Variants in HTATIP2 observed in about 807,000 individuals in gnomAD.
HTATIP2 encodes HIV-1 Tat interactive protein 2.
HTATIP2 carries 26 observed loss-of-function variants against 24.7 expected under a neutral mutation model. That is an observed-to-expected ratio of 1.05 (90% confidence interval 0.77 to 1.46). HTATIP2 has a LOEUF of 1.46. Ranked by LOEUF, HTATIP2 falls within the 40% of genes most tolerant of loss-of-function variation. The pLI, the probability that HTATIP2 is intolerant of heterozygous loss-of-function variation, is 0.00. For missense variants in HTATIP2, 284 were observed against 289.6 expected (o/e 0.98, Z 0.14); for synonymous variants, 99 against 113.2 (o/e 0.87, Z 0.79).
At position 20,364,353 on chromosome 11, in the gene HTATIP2, T is replaced by C. The variant is rs2064671317; in HGVS notation, c.116T>C (p.Leu39Pro). 1 of 1,613,666 alleles carries C rather than the reference T, an allele frequency of 6.2e-7. No individual in the cohort carries two copies. Among genetic ancestry groups the C allele is most frequent in the African/African-American group, 1.3e-5 (1 of 75,062 alleles). Residue 39 changes from leucine (L) to proline (P), a missense_variant, in exon 1 of 5, where the codon CTG becomes CCG. Transcript: ENST00000451739. ...GGCAGAGTGCTCTTAAAGGAAATCC[T>C]GGAGCAGGGCCTGTTTTCCAAAGTC... The part of the protein sequence containing the change: ...ETGRVLLKEI[L>P]EQGLFSKVTL...
intron 3 of HTATIP2, among the ~76,000 whole-genome samples, chr11:20,380,370 C>A (rs573518030): frequency 1.3e-5 from 2 of 152,294 alleles, no homozygotes; most frequent in East Asian, 3.9e-4. Flanking sequence ...CAAAACAAAT[C>A]TTTTAAAAAG....
Position 20,369,992 on chromosome 11 carries a change from C to G in HTATIP2, c.303+2711C>G. 1.3e-5 allele frequency among the ~76,000 whole-genome samples: 2 copies of G among 152,198 alleles called. 1 individual carries two copies. Among genetic ancestry groups the G allele is most frequent in the South Asian group, 4.1e-4 (2 of 4,832 alleles). ...TCTTCCTTTTCATATTCACAGAACA[C>G]AGTTGTTCAGTCAATGCACTGGCTC... On this transcript the variant is annotated intron_variant, in intron 2 of 4. Coordinates refer to ENST00000451739, the MANE Select transcript of HTATIP2 (RefSeq NM_001098522.2).
chr11:20,366,765 T>C (rs886612825), intron 1 of HTATIP2, among the ~76,000 whole-genome samples: 3 of 152,200 alleles, frequency 2.0e-5, no homozygotes, highest in African/African-American at 7.2e-5. Flanking sequence ...ATGAATAATT[T>C]GCCCGTAACT....
intron 3 of HTATIP2, 118 bp downstream of exon 3, chr11:20,376,835 G>T (rs1360591194): frequency 8.7e-6 from 6 of 686,364 alleles, no homozygotes; most frequent in Non-Finnish European, 1.4e-5. Flanking sequence ...TTATGCATTT[G>T]TATGGCTACG....
intron 1 of HTATIP2, among the ~76,000 whole-genome samples, chr11:20,366,275 T>A (rs1207287744): frequency 6.6e-6 from 1 of 151,562 alleles, no homozygotes; most frequent in Non-Finnish European, 1.5e-5. Context: ...CTAATTTTTT[T>A]TTTGCATTTT....
rs375714821 is a variant in HTATIP2 at position 20,363,775 on chromosome 11, AC to A, written c.-456del. On this transcript the variant is annotated 5_prime_UTR_variant, in exon 1 of 5. Coordinates refer to ENST00000451739, the MANE Select transcript of HTATIP2 (RefSeq NM_001098522.2). ...GTAGGCGCTGTCTCCGTCGCCTCCAACCCCCCCGGTCCGACCAGGGAAGGTG... is the reference window on the plus strand; with the variant it reads ...GTAGGCGCTGTCTCCGTCGCCTCCAACCCCCCGGTCCGACCAGGGAAGGTG... The A allele has an allele frequency of 1.2e-5, 15 of 1,238,330 alleles. No individual in the cohort carries two copies. The highest frequency in any genetic ancestry group is 1.6e-5 in the African/African-American group (1 of 64,072). The allele number at this position is 1,238,330 out of a possible 1,614,324, so 76.7% of individuals were successfully genotyped here. A position where few individuals can be genotyped will look rare whatever the true frequency, so the allele number is the denominator to read the frequency against.
chr11:20,370,221 G>A (rs2064756962), intron 2 of HTATIP2, among the ~76,000 whole-genome samples: 1 of 152,166 alleles, frequency 6.6e-6, no homozygotes, highest in Admixed American at 6.5e-5. Flanking sequence ...GATAACCTTT[G>A]CCTTGCTTTA....
intron 2 of HTATIP2, among the ~76,000 whole-genome samples, chr11:20,375,728 T>G (rs1848434155): frequency 6.6e-6 from 1 of 152,238 alleles, no homozygotes; most frequent in African/African-American, 2.4e-5. Flanking sequence ...GAATTTATGG[T>G]GGTCTCAAGA....
chr11:20,380,671 C>CAAAAAAAAA (rs35392320), intron 3 of HTATIP2, among the ~76,000 whole-genome samples: 2 of 81,866 alleles, frequency 2.4e-5, no homozygotes, highest in Admixed American at 1.6e-4. Flanking sequence ...GACTCCATCT[C>CAAAAAAAAA]AAAAAAAAAA....
intron 2 of HTATIP2, chr11:20,376,170 C>A: frequency 5.1e-6 from 1 of 195,936 alleles, no homozygotes; most frequent in Non-Finnish European, 1.0e-5. Context: ...GGGGAGTGTC[C>A]TCACCCATAC....
At position 20,364,074 on chromosome 11, in the gene HTATIP2, CG is replaced by C. The variant is rs142699710; in HGVS notation, c.-160del. 3,805 of 1,367,502 alleles carry C rather than the reference CG, an allele frequency of 2.8e-3. 80 individuals carry two copies. In the African/African-American group the frequency reaches 0.049, roughly 18 times the overall value. The allele number at this position is 1,367,502 out of a possible 1,614,324, so 84.7% of individuals were successfully genotyped here. A position where few individuals can be genotyped will look rare whatever the true frequency, so the allele number is the denominator to read the frequency against. On this transcript the variant is annotated 5_prime_UTR_variant, in exon 1 of 5. The change creates a premature stop within an existing upstream ORF in the 5' untranslated region. Transcript: ENST00000451739. ...TGCTGGCTCAGGTGCGGGCGATGGCCGGGGAGCCGCGCCCCGCACGTGACTC... is the reference window on the plus strand; with the variant it reads ...TGCTGGCTCAGGTGCGGGCGATGGCCGGGAGCCGCGCCCCGCACGTGACTC...
chr11:20,375,333 A>G (rs1005742090), intron 2 of HTATIP2, among the ~76,000 whole-genome samples: 11 of 152,148 alleles, frequency 7.2e-5, no homozygotes, highest in African/African-American at 2.7e-4. Context: ...GCACTTTGGA[A>G]GGCCAAGGTG....
intron 2 of HTATIP2, chr11:20,367,746 C>T: frequency 1.2e-6 from 1 of 828,414 alleles, no homozygotes; most frequent in Non-Finnish European, 1.5e-6. Flanking sequence ...AGGCACGATT[C>T]AACCAGCCTC....
chr11:20,383,051 C>G lies in HTATIP2; in HGVS notation c.575C>G (p.Pro192Arg). Residue 192 changes from proline to arginine, a missense_variant, in exon 5 of 5, where the codon CCA (proline) becomes CGA (arginine). Transcript: ENST00000451739. Reference protein sequence around the residue: ...WLVRKFFGSLPDSWASGHSVP... With the variant: ...WLVRKFFGSLRDSWASGHSVP... ...GTTAGAAAGTTCTTTGGCTCCTTAC[C>G]AGACTCTTGGGCCAGTGGGCATTCT... The G allele has an allele frequency of 6.2e-7, 1 of 1,613,556 alleles. No homozygotes were observed.
intron 2 of HTATIP2, among the ~76,000 whole-genome samples, chr11:20,368,993 T>C (rs1198593874): frequency 6.6e-6 from 1 of 152,176 alleles, no homozygotes; most frequent in Non-Finnish European, 1.5e-5. Flanking sequence ...AATTAGGACT[T>C]AAATGATTTA....
chr11:20,382,936 C>G, intron 4 of HTATIP2, 44 bp from the exon 5 acceptor site: 1 of 1,472,838 alleles, frequency 6.8e-7, no homozygotes, highest in East Asian at 2.4e-5. Flanking sequence ...AATTTACCAC[C>G]TCTTCCTCTG....
At chr11:20,366,579 G>A (rs2064709706) in intron 1 of HTATIP2, among the ~76,000 whole-genome samples, 1 of 152,116 alleles carries the variant, frequency 6.6e-6, no homozygotes, top group Non-Finnish European at 1.5e-5. Context: ...GAGAATTAAG[G>A]TGGGTGCTTG....
chr11:20,383,421 C>T lies in HTATIP2; in HGVS notation c.*216C>T. The T allele has an allele frequency of 3.9e-6, 2 of 516,856 alleles. No individual in the cohort carries two copies. Among genetic ancestry groups the T allele is most frequent in the Non-Finnish European group, 6.8e-6 (2 of 294,448 alleles). The allele number at this position is 516,856 out of a possible 1,614,324, so 32.0% of individuals were successfully genotyped here. On this transcript the variant is annotated 3_prime_UTR_variant, in exon 5 of 5. Coordinates refer to ENST00000451739, the MANE Select transcript of HTATIP2 (RefSeq NM_001098522.2). ...GAGCTTTGGAAAAATAAAGATTTGT[C>T]AGCCCTATCTCAAACTTGAATCAAA...
intron 3 of HTATIP2, 98 bp from the exon 4 acceptor site, chr11:20,382,080 A>G (rs1848528780): frequency 1.4e-6 from 1 of 722,378 alleles, no homozygotes; most frequent in South Asian, 1.8e-5. Flanking sequence ...GAGATCTGCA[A>G]AAGCAGATTA....
Sources: allele counts gnomAD v4.1 joint callset (sites outside exome capture counted in the v4.1 genomes callset), GRCh38; gene constraint gnomAD v4.1.1; transcripts MANE v1.5; gene names NCBI Gene and HGNC (gene_info 2026-07-23, HGNC 2026-07-21).